The following FAM83D variants were observed in gnomAD, a reference collection of about 807,000 sequenced individuals.
The protein encoded by FAM83D is protein FAM83D.
FAM83D carries 26 observed loss-of-function variants against 25.4 expected under a neutral mutation model. That is an observed-to-expected ratio of 1.02 (90% CI 0.75 to 1.42). The LOEUF is 1.42. Ranked by LOEUF, FAM83D falls within the 40% of genes most tolerant of loss-of-function variation. The probability of loss-of-function intolerance (pLI) is 0.00; values close to 1 mark genes in which losing one functional copy is unlikely to be tolerated. For missense variants in FAM83D, 740 were observed against 758.1 expected, an observed-to-expected ratio of 0.98 and a Z score of 0.28; for synonymous variants, 310 against 318.5, an observed-to-expected ratio of 0.97 and a Z score of 0.28.
Position 38,929,080 on chromosome 20 carries a change from G to A in FAM83D, c.483+2155G>A, listed in dbSNP as rs1466422893. On this transcript the variant is annotated intron_variant, in intron 1 of 3. Coordinates refer to ENST00000619850, the MANE Select transcript of FAM83D (RefSeq NM_030919.3). ...TAATCCCAGCTACTTGGGAGGCTGA[G>A]GCAGGAGAATTGCTTGAACCTGGGA... is the stretch of plus-strand genomic sequence containing the variant. Among the ~76,000 whole-genome samples, 9 of 152,058 alleles carry A rather than the reference G, an allele frequency of 5.9e-5. No individual in the cohort carries two copies. The South Asian group carries it at 1.7e-3, about 28-fold the overall frequency.
At chr20:38,934,629 G>A (rs2085671241) in intron 1 of FAM83D, among the ~76,000 whole-genome samples, 1 of 152,036 alleles carries the variant, frequency 6.6e-6, no homozygotes, top group African/African-American at 2.4e-5. Context: ...TGATATATTG[G>A]CAAAAATATG....
chr20:38,936,443 C>T (rs937189529), intron 1 of FAM83D, among the ~76,000 whole-genome samples: 4 of 151,990 alleles, frequency 2.6e-5, no homozygotes, highest in African/African-American at 7.3e-5. Context: ...CATTTAAGGG[C>T]TTTCCATATG....
At chr20:38,947,332 A>C (rs2085732559) in intron 2 of FAM83D, among the ~76,000 whole-genome samples, 1 of 152,232 alleles carries the variant, frequency 6.6e-6, no homozygotes, top group Non-Finnish European at 1.5e-5. Context: ...CTGCCTCAGC[A>C]GGCCTGTACT....
At position 38,952,276 on chromosome 20, in the gene FAM83D, C is replaced by G; in HGVS notation, c.1514C>G (p.Pro505Arg). ...ATCAGAACCACTGACTTCCACAATCCTGGCTATCCCAAGTACCTGGGCACC... is the reference window on the plus strand; with the variant it reads ...ATCAGAACCACTGACTTCCACAATCGTGGCTATCCCAAGTACCTGGGCACC... ...ASIRTTDFHN[P>R]GYPKYLGTPH... Residue 505 changes from proline (P) to arginine (R), a missense_variant, in exon 4 of 4, where the codon CCT becomes CGT. Pro to Arg is a moderately radical substitution (Grantham distance 103). Coordinates refer to ENST00000619850, the MANE Select transcript of FAM83D (RefSeq NM_030919.3). 6.2e-7 allele frequency: 1 copy of G among 1,614,156 alleles called. No individual in the cohort carries two copies. Among genetic ancestry groups the G allele is most frequent in the Non-Finnish European group, 8.5e-7 (1 of 1,180,042 alleles).
At chr20:38,938,247 G>A (rs959094874) in intron 1 of FAM83D, among the ~76,000 whole-genome samples, 1 of 152,256 alleles carries the variant, frequency 6.6e-6, no homozygotes, top group Non-Finnish European at 1.5e-5. Flanking sequence ...GCCTTGTGCT[G>A]TGGGCCCCCA....
chr20:38,930,013 G>C (rs1400521484), intron 1 of FAM83D, among the ~76,000 whole-genome samples: 1 of 152,184 alleles, frequency 6.6e-6, no homozygotes, highest in Non-Finnish European at 1.5e-5. Context: ...CCTGTGGAGG[G>C]TTCAGGAGCC....
chr20:38,926,586 G>A lies in FAM83D; in HGVS notation c.144G>A (p.Ala48=), dbSNP rs1174611858. 5.2e-6 allele frequency: 8 copies of A among 1,552,726 alleles called. No homozygotes were observed. The highest frequency in any genetic ancestry group is 6.9e-6 in the Non-Finnish European group (8 of 1,155,830). The part of the protein sequence containing the change: ...ELVAGGPEAF[A]AFLRRERLAR... ...TGGCGGGCGGCCCCGAAGCCTTCGC[G>A]GCCTTCCTGCGACGCGAGCGCCTGG... The change falls in exon 1 of 4, where the codon GCG becomes GCA. Residue 48 remains alanine (A), a synonymous_variant. Coordinates refer to ENST00000619850, the MANE Select transcript of FAM83D (RefSeq NM_030919.3).
intron 1 of FAM83D, among the ~76,000 whole-genome samples, chr20:38,939,829 G>A (rs1386475053): frequency 1.3e-5 from 2 of 152,144 alleles, no homozygotes; most frequent in Non-Finnish European, 2.9e-5. Context: ...CCTGTTTCCT[G>A]CCTTGCCCTC....
chr20:38,934,032 T>G (rs573427475), intron 1 of FAM83D, among the ~76,000 whole-genome samples: 117 of 152,144 alleles, frequency 7.7e-4, no homozygotes, highest in African/African-American at 2.7e-3. Flanking sequence ...TTTTTTTGTA[T>G]TTTAGTAGAA....
In FAM83D at chr20:38,944,675, T is replaced by C. The variant is rs573135695; in HGVS notation, c.651+2549T>C. Among the ~76,000 whole-genome samples, 602 of 152,220 alleles carry C rather than the reference T, an allele frequency of 4.0e-3. 2 individuals carry two copies. Among genetic ancestry groups the C allele is most frequent in the African/African-American group, 0.014 (578 of 41,522 alleles). ...CTATTTCTGGCCGGGCGCGGTGGCT[T>C]ACGCCTGTAATCCCAGCACTTTGGG... On this transcript the variant is annotated intron_variant, in intron 2 of 3. Coordinates refer to ENST00000619850, the MANE Select transcript of FAM83D (RefSeq NM_030919.3).
intron 1 of FAM83D, among the ~76,000 whole-genome samples, chr20:38,930,489 TA>T (rs963648446): frequency 5.3e-5 from 8 of 152,068 alleles, no homozygotes; most frequent in African/African-American, 1.9e-4. Context: ...TGTTTGTTAT[TA>T]TTTTTTTTAA....
At chr20:38,949,674 G>A (rs572567872) in intron 3 of FAM83D, among the ~76,000 whole-genome samples, 5 of 152,284 alleles carry the variant, frequency 3.3e-5, no homozygotes, top group African/African-American at 7.2e-5. Flanking sequence ...CGAAGAACCC[G>A]GAAGGAAGCA....
At chr20:38,929,920 C>T (rs757195432) in intron 1 of FAM83D, among the ~76,000 whole-genome samples, 9 of 152,142 alleles carry the variant, frequency 5.9e-5, no homozygotes, top group East Asian at 1.9e-4. Flanking sequence ...TAAGTGGCCC[C>T]GAAGTCATGC....
chr20:38,927,498 CTTTTTTTTTTTTTTT>C (rs1173092369), intron 1 of FAM83D, among the ~76,000 whole-genome samples: 2 of 101,420 alleles, frequency 2.0e-5, no homozygotes, highest in African/African-American at 3.9e-5. Context: ...TCTTTCTTGT[CTTTTTTTTTTTTTTT>C]TTTTTTTGAG....
chr20:38,941,918 C>G (rs1158943218), intron 1 of FAM83D, 41 bp from the exon 2 acceptor site: 3 of 1,607,444 alleles, frequency 1.9e-6, no homozygotes. Flanking sequence ...AAGGTGGTGT[C>G]CTATAAGCTT....
At chr20:38,943,744 G>T (rs2085713373) in intron 2 of FAM83D, among the ~76,000 whole-genome samples, 1 of 152,122 alleles carries the variant, frequency 6.6e-6, no homozygotes, top group African/African-American at 2.4e-5. Context: ...AGGCTGGAGT[G>T]CAGTGGCACG....
intron 3 of FAM83D, among the ~76,000 whole-genome samples, chr20:38,950,703 C>T (rs896725573): frequency 6.7e-6 from 1 of 150,054 alleles, no homozygotes; most frequent in African/African-American, 2.5e-5. Context: ...GTGATAATCC[C>T]TTTATCTGGT....
At chr20:38,951,460 ATAT>A in intron 3 of FAM83D, 76 bp from the exon 4 acceptor site, 1 of 1,487,400 alleles carries the variant, frequency 6.7e-7, no homozygotes, top group Non-Finnish European at 9.0e-7. Flanking sequence ...TACCTGTACT[ATAT>A]TATTCAGATG....
chr20:38,936,585 T>G (rs542096311), intron 1 of FAM83D, among the ~76,000 whole-genome samples: 1 of 152,292 alleles, frequency 6.6e-6, no homozygotes, highest in Non-Finnish European at 1.5e-5. Flanking sequence ...TGTGAAAAAC[T>G]GCCCATTAAA....
Sources: gnomAD v4.1 joint callset for allele counts (sites outside exome capture counted in the v4.1 genomes callset) on GRCh38, gnomAD v4.1.1 for gene constraint, MANE v1.5 for transcripts, NCBI Gene and HGNC (gene_info 2026-07-23, HGNC 2026-07-21) for gene names.